Variants in JARID2 observed in about 807,000 individuals in gnomAD.
JARID2 encodes the protein protein Jumonji.
In JARID2, 21 loss-of-function variants were observed where a neutral mutation model predicts 125.6. That is an observed-to-expected ratio of 0.17 (90% CI 0.12 to 0.24). The LOEUF (loss-of-function observed/expected upper bound fraction) is 0.24, where lower values mean the gene tolerates loss of function less well. Among genes scored for constraint, JARID2 ranks in the 10% least tolerant of loss-of-function variants. The pLI, the probability that JARID2 is intolerant of heterozygous loss-of-function variation, is 1.00. For synonymous variants in JARID2, 736 were observed against 661.6 expected (o/e 1.11, Z -1.73); for missense variants, 1,303 against 1,639.6 (o/e 0.79, Z 3.55).
At chr6:15,379,771 A>G (rs1462384705) in intron 2 of JARID2, among the ~76,000 whole-genome samples, 1 of 152,190 alleles carries the variant, frequency 6.6e-6, no homozygotes, top group Non-Finnish European at 1.5e-5. Context: ...AGGAAACTAT[A>G]TACTAAGAGT....
At chr6:15,366,446 T>C (rs944218274) in intron 1 of JARID2, among the ~76,000 whole-genome samples, 10 of 139,050 alleles carry the variant, frequency 7.2e-5, no homozygotes, top group Non-Finnish European at 4.6e-5. Flanking sequence ...TCTTTTTCTT[T>C]TTGAAAGTAG....
Position 15,433,404 on chromosome 6 carries a change from G to GTCTC in JARID2, c.324-18598_324-18595dup, listed in dbSNP as rs375165836. 6.1e-3 allele frequency among the ~76,000 whole-genome samples: 809 copies of GTCTC among 133,640 alleles called. 10 individuals are homozygous for GTCTC. The highest frequency in any genetic ancestry group is 0.02 in the African/African-American group (644 of 32,776). 87.7% of individuals were successfully genotyped at this position (133,640 alleles called of 152,430 possible). A position where few individuals can be genotyped will look rare whatever the true frequency, so the allele number is the denominator to read the frequency against. On this transcript the variant is annotated intron_variant, in intron 3 of 17. Transcript: ENST00000341776. The stretch of plus-strand genomic sequence containing the variant: ...TGCATGCCTCCTCCCCAACCCCCAT[G>GTCTC]TCTCTCTGTGTGTGTGTGTGTGTGT...
chr6:15,376,758 TAAAC>T (rs770738310), intron 2 of JARID2, among the ~76,000 whole-genome samples: 4 of 152,176 alleles, frequency 2.6e-5, no homozygotes, highest in Admixed American at 6.5e-5. Context: ...GCTACCATCT[TAAAC>T]AAAGTGTACT....
chr6:15,504,026 G>A (rs543962869), intron 8 of JARID2, among the ~76,000 whole-genome samples: 4 of 152,364 alleles, frequency 2.6e-5, no homozygotes, highest in African/African-American at 9.6e-5. Context: ...AGGACTCTCA[G>A]GGTGTAGATG....
chr6:15,508,463 T>G lies in JARID2; in HGVS notation c.2846+9T>G, dbSNP rs1356259422. 6.9e-7 allele frequency: 1 copy of G among 1,439,664 alleles called. No individual in the cohort carries two copies. The highest frequency in any genetic ancestry group is 9.8e-7 in the Non-Finnish European group (1 of 1,020,944). The allele number at this position is 1,439,664 out of a possible 1,614,324, so 89.2% of individuals were successfully genotyped here. A position where few individuals can be genotyped will look rare whatever the true frequency, so the allele number is the denominator to read the frequency against. ...GGTGCTGACTGCATTTGGTGAGTAC[T>G]GGCCCCAGGCGGGAAGGGAGGGACT... is the stretch of plus-strand genomic sequence containing the variant. On this transcript the variant is annotated intron_variant, in intron 12 of 17. Coordinates refer to ENST00000341776, the MANE Select transcript of JARID2 (RefSeq NM_004973.4).
intron 1 of JARID2, among the ~76,000 whole-genome samples, chr6:15,360,805 T>C (rs1349496756): frequency 4.6e-5 from 7 of 152,136 alleles, no homozygotes; most frequent in African/African-American, 7.2e-5. Flanking sequence ...GCGCCCAACC[T>C]AGTCTTTCTT....
chr6:15,260,573 A>G (rs1025487929), intron 1 of JARID2, among the ~76,000 whole-genome samples: 14 of 152,236 alleles, frequency 9.2e-5, no homozygotes, highest in African/African-American at 3.4e-4. Flanking sequence ...CACCAGCTCA[A>G]TATAAACACC....
At chr6:15,385,466 AATTT>A (rs1430662490) in intron 2 of JARID2, among the ~76,000 whole-genome samples, 3 of 151,174 alleles carry the variant, frequency 2.0e-5, no homozygotes, top group Non-Finnish European at 2.9e-5. Context: ...CGTTTATTCT[AATTT>A]ATTTATTTAT....
chr6:15,475,304 A>G (rs1769286587), intron 5 of JARID2, among the ~76,000 whole-genome samples: 1 of 152,162 alleles, frequency 6.6e-6, no homozygotes, highest in South Asian at 2.1e-4. Flanking sequence ...TTGCAAATCT[A>G]ATGAAGCTTG....
intron 4 of JARID2, among the ~76,000 whole-genome samples, chr6:15,452,539 G>A (rs1767964655): frequency 6.6e-6 from 1 of 152,038 alleles, no homozygotes; most frequent in African/African-American, 2.4e-5. Context: ...TTTGATGCAG[G>A]ACTTTGGGGC....
intron 3 of JARID2, among the ~76,000 whole-genome samples, chr6:15,446,891 GACCC>G (rs1172344437): frequency 1.3e-5 from 2 of 152,148 alleles, no homozygotes; most frequent in Non-Finnish European, 2.9e-5. Context: ...CTCACATAGG[GACCC>G]ATAGGTTCGT....
chr6:15,454,793 G>C (rs558233698), intron 4 of JARID2, among the ~76,000 whole-genome samples: 3 of 152,122 alleles, frequency 2.0e-5, no homozygotes, highest in African/African-American at 7.2e-5. Flanking sequence ...TTTTTACATA[G>C]ATTTTGGCTG....
At chr6:15,463,404 G>A (rs1768550992) in intron 4 of JARID2, among the ~76,000 whole-genome samples, 2 of 149,000 alleles carry the variant, frequency 1.3e-5, no homozygotes, top group Non-Finnish European at 3.0e-5. Context: ...GCAAGGTCAT[G>A]TGGGGTTGTG....
chr6:15,392,679 A>AC (rs1765067063), intron 2 of JARID2, among the ~76,000 whole-genome samples: 1 of 96,224 alleles, frequency 1.0e-5, no homozygotes, highest in Admixed American at 1.1e-4. Flanking sequence ...TGATTAAGAG[A>AC]CTTTTTTTTT....
chr6:15,264,786 A>G (rs1365335427), intron 1 of JARID2, among the ~76,000 whole-genome samples: 2 of 152,208 alleles, frequency 1.3e-5, no homozygotes, highest in Admixed American at 6.5e-5. Context: ...TGTGCCTTTC[A>G]AAGGCTAACG....
chr6:15,476,034 T>G (rs1237314816), intron 5 of JARID2, among the ~76,000 whole-genome samples: 1 of 152,168 alleles, frequency 6.6e-6, no homozygotes, highest in African/African-American at 2.4e-5. Context: ...CTTATCAGAT[T>G]TGTGCTTTTC....
At chr6:15,263,466 A>T (rs1207207922) in intron 1 of JARID2, among the ~76,000 whole-genome samples, 1 of 152,072 alleles carries the variant, frequency 6.6e-6, no homozygotes, top group African/African-American at 2.4e-5. Context: ...CTCCATTAAG[A>T]AATAGGAGTT....
chr6:15,280,776 G>A (rs1418500564), intron 1 of JARID2, among the ~76,000 whole-genome samples: 1 of 151,860 alleles, frequency 6.6e-6, no homozygotes, highest in African/African-American at 2.4e-5. Context: ...TTACAAGAAT[G>A]AGCCACCACC....
At chr6:15,255,395 G>A (rs1382222049) in intron 1 of JARID2, among the ~76,000 whole-genome samples, 2 of 152,140 alleles carry the variant, frequency 1.3e-5, no homozygotes, top group East Asian at 1.9e-4. Flanking sequence ...GAGCCACTGC[G>A]CCTGGCCCAA....
Sources: allele counts gnomAD v4.1 joint callset (sites outside exome capture counted in the v4.1 genomes callset), GRCh38; gene constraint gnomAD v4.1.1; transcripts MANE v1.5; gene names NCBI Gene and HGNC (gene_info 2026-07-23, HGNC 2026-07-21).